The following AUTS2 variants were observed in gnomAD, a reference collection of about 807,000 sequenced individuals.
The protein encoded by AUTS2 is activator of transcription and developmental regulator AUTS2.
In AUTS2, 17 loss-of-function variants were observed where a neutral mutation model predicts 112.4. The observed-to-expected ratio is 0.15, with a 90% CI of 0.10 to 0.23. The LOEUF (loss-of-function observed/expected upper bound fraction) is 0.23, where lower values mean the gene tolerates loss of function less well. Ranked by LOEUF, AUTS2 falls within the 10% of genes least tolerant of loss-of-function variation. AUTS2 has a pLI of 1.00. For synonymous variants in AUTS2, 751 were observed against 702.7 expected (o/e 1.07, Z -1.09); for missense variants, 1,510 against 1,701.6 (o/e 0.89, Z 1.98).
chr7:70,140,398 A>C (rs1323707554), intron 4 of AUTS2, among the ~76,000 whole-genome samples: 1 of 152,142 alleles, frequency 6.6e-6, no homozygotes, highest in Non-Finnish European at 1.5e-5. Context: ...CAGTTAACAC[A>C]CTGTATTTGA....
At chr7:70,461,649 G>T (rs1394682573) in intron 5 of AUTS2, among the ~76,000 whole-genome samples, 1 of 152,174 alleles carries the variant, frequency 6.6e-6, no homozygotes, top group East Asian at 1.9e-4. Flanking sequence ...TGCTAGTTTT[G>T]AATTGTTTTG....
chr7:70,161,046 C>T (rs1157758079), intron 4 of AUTS2, among the ~76,000 whole-genome samples: 2 of 152,124 alleles, frequency 1.3e-5, no homozygotes, highest in East Asian at 1.9e-4. Context: ...GTTCTATTTC[C>T]GTGGGAATTA....
chr7:69,996,990 G>A (rs12698831), intron 2 of AUTS2, among the ~76,000 whole-genome samples: 23,268 of 142,638 alleles, frequency 0.16, 1,855 homozygotes, highest in Middle Eastern at 0.23. Flanking sequence ...AATCCCAGAT[G>A]ATTTACATCA....
chr7:70,689,236 C>T (rs7786805), intron 5 of AUTS2, among the ~76,000 whole-genome samples: 94,646 of 151,954 alleles, frequency 0.62, 30,249 homozygotes, highest in East Asian at 0.72. Flanking sequence ...TGGTGCACAC[C>T]TGTGGTCCCA....
At chr7:69,956,169 G>C (rs1161270230) in intron 2 of AUTS2, among the ~76,000 whole-genome samples, 1 of 151,946 alleles carries the variant, frequency 6.6e-6, no homozygotes, top group Non-Finnish European at 1.5e-5. Context: ...CTGGCATTTT[G>C]ACCACACTAA....
At chr7:70,235,302 TAA>T (rs879516535) in intron 4 of AUTS2, among the ~76,000 whole-genome samples, 2 of 143,258 alleles carry the variant, frequency 1.4e-5, no homozygotes, top group Non-Finnish European at 3.1e-5. Flanking sequence ...CATGGCTAAT[TAA>T]AAAAAAAAAA....
intron 4 of AUTS2, among the ~76,000 whole-genome samples, chr7:70,265,599 TCTATAGTAGGAC>T (rs1787382178): frequency 1.3e-5 from 2 of 152,142 alleles, no homozygotes; most frequent in African/African-American, 2.4e-5. Context: ...TTCTTTGCAA[TCTATAGTAGGAC>T]TGTTGAGGAG....
At chr7:70,669,924 G>A (rs1807549815) in intron 5 of AUTS2, among the ~76,000 whole-genome samples, 1 of 152,216 alleles carries the variant, frequency 6.6e-6, no homozygotes, top group Non-Finnish European at 1.5e-5. Context: ...GGGTTAAACA[G>A]GGCATGGAAG....
intron 4 of AUTS2, among the ~76,000 whole-genome samples, chr7:70,236,965 G>A (rs574166120): frequency 6.6e-6 from 1 of 152,140 alleles, no homozygotes. Flanking sequence ...TACTGCCTTC[G>A]TAAAGTAAGC....
intron 4 of AUTS2, among the ~76,000 whole-genome samples, chr7:70,362,120 T>G (rs1792296456): frequency 6.6e-6 from 1 of 152,206 alleles, no homozygotes; most frequent in Non-Finnish European, 1.5e-5. Context: ...ACTTCATTGA[T>G]AGAGCACTGT....
chr7:69,607,416 A>T (rs1038900142), intron 1 of AUTS2, among the ~76,000 whole-genome samples: 2 of 152,210 alleles, frequency 1.3e-5, no homozygotes, highest in African/African-American at 4.8e-5. Context: ...AATAAAAGGT[A>T]ATGCATTTAG....
chr7:70,418,347 C>G (rs1795078711), intron 4 of AUTS2, among the ~76,000 whole-genome samples: 2 of 152,142 alleles, frequency 1.3e-5, no homozygotes, highest in South Asian at 4.2e-4. Flanking sequence ...TGTTAAATCT[C>G]TTAAATGCAT....
intron 2 of AUTS2, among the ~76,000 whole-genome samples, chr7:70,013,869 C>T (rs1218490069): frequency 6.6e-6 from 1 of 152,164 alleles, no homozygotes; most frequent in Non-Finnish European, 1.5e-5. Flanking sequence ...AGGCACGTAT[C>T]ACCACGCCCG....
intron 4 of AUTS2, among the ~76,000 whole-genome samples, chr7:70,246,835 T>G (rs1033998218): frequency 6.6e-6 from 1 of 152,118 alleles, no homozygotes; most frequent in African/African-American, 2.4e-5. Context: ...ATATAATATT[T>G]ATCTTTATTT....
At chr7:70,775,506 C>T (rs529711054) in intron 13 of AUTS2, 120 bp downstream of exon 13, 12 of 815,930 alleles carry the variant, frequency 1.5e-5, no homozygotes, top group Admixed American at 7.9e-5. Flanking sequence ...ATTGGAATGA[C>T]GGTGATTGGG....
intron 4 of AUTS2, among the ~76,000 whole-genome samples, chr7:70,203,324 C>A (rs1443064502): frequency 1.0e-5 from 1 of 97,230 alleles, no homozygotes. Context: ...TGCACATGTA[C>A]CCTAAAACTT....
intron 6 of AUTS2, among the ~76,000 whole-genome samples, chr7:70,704,125 C>A (rs762187324): frequency 3.3e-5 from 5 of 152,170 alleles, no homozygotes; most frequent in Non-Finnish European, 7.3e-5. Context: ...AAAAAATATT[C>A]CATGTTGCAT....
intron 1 of AUTS2, among the ~76,000 whole-genome samples, chr7:69,896,848 A>G (rs1158989106): frequency 6.6e-6 from 1 of 152,198 alleles, no homozygotes; most frequent in African/African-American, 2.4e-5. Context: ...CTCTCTGTTC[A>G]GCCTTTCAGA....
chr7:69,652,291 TGATA>T (rs1562787406), intron 1 of AUTS2, among the ~76,000 whole-genome samples: 1 of 151,922 alleles, frequency 6.6e-6, no homozygotes, highest in Non-Finnish European at 1.5e-5. Context: ...CACCTGTGCC[TGATA>T]GAGAGGCCAT....
Sources: gnomAD v4.1 joint callset for allele counts (sites outside exome capture counted in the v4.1 genomes callset) on GRCh38, gnomAD v4.1.1 for gene constraint, MANE v1.5 for transcripts, NCBI Gene and HGNC (gene_info 2026-07-23, HGNC 2026-07-21) for gene names.